Variants in ZNF335 observed in about 807,000 individuals in gnomAD.
ZNF335 encodes the protein NRC-interacting factor 1.
Under a neutral mutation model 145.6 loss-of-function variants are expected in ZNF335, and 84 were observed. That is an observed-to-expected ratio of 0.58 (90% CI 0.48 to 0.69). The LOEUF (loss-of-function observed/expected upper bound fraction) is 0.69, where lower values mean the gene tolerates loss of function less well. ZNF335 is among the 30% of genes least tolerant of loss of function. The pLI, the probability that ZNF335 is intolerant of heterozygous loss-of-function variation, is 0.00. For missense variants in ZNF335, 1,865 were observed against 1,809.7 expected (o/e 1.03, Z -0.55); for synonymous variants, 761 against 717.0 (o/e 1.06, Z -0.98).
At chr20:45,958,817 G>A (rs911014783) in intron 15 of ZNF335, among the ~76,000 whole-genome samples, 1 of 152,132 alleles carries the variant, frequency 6.6e-6, no homozygotes, top group African/African-American at 2.4e-5. Context: ...GAAGGCTGGT[G>A]CTCCTGCAGC....
intron 19 of ZNF335, 32 bp from the exon 20 acceptor site, chr20:45,952,553 G>A: frequency 1.9e-6 from 3 of 1,609,790 alleles, no homozygotes; most frequent in Non-Finnish European, 2.5e-6. Flanking sequence ...GAGGTACTGA[G>A]AAGGGGAGGG....
At chr20:45,971,654 G>A in intron 1 of ZNF335, 194 bp from the exon 2 acceptor site, 1 of 985,496 alleles carries the variant, frequency 1.0e-6, no homozygotes, top group Non-Finnish European at 1.2e-6. Context: ...CCCAGGCTAA[G>A]GCCCTTCCCG....
rs1204173939 is a variant in ZNF335 at position 45,960,430 on chromosome 20, G to A, written c.1859+19C>T. The A allele has an allele frequency of 2.5e-6, 4 of 1,614,192 alleles. No individual in the cohort carries two copies. The highest frequency in any genetic ancestry group is 2.2e-5 in the South Asian group (2 of 91,080). ...GCTGGGGACTGCTCCCGTCCCCAGGGGCCTCCAAGGGGATGTACCTGCGGT... is the reference window on the plus strand; with the variant it reads ...GCTGGGGACTGCTCCCGTCCCCAGGAGCCTCCAAGGGGATGTACCTGCGGT... On this transcript the variant is annotated intron_variant, in intron 13 of 27. Coordinates refer to ENST00000322927, the MANE Select transcript of ZNF335 (RefSeq NM_022095.4).
Position 45,971,476 on chromosome 20 carries a change from A to T in ZNF335, c.-50-16T>A. Reference sequence around the variant, plus strand: ...GAACTTCACTCTGAGAAGAGAGGTGACCGTGGCTGGAACAAGTGGGCCATC... The same window carrying T: ...GAACTTCACTCTGAGAAGAGAGGTGTCCGTGGCTGGAACAAGTGGGCCATC... On this transcript the variant is annotated splice_polypyrimidine_tract_variant and intron_variant, in intron 1 of 27. Transcript: ENST00000322927. 1 of 1,573,368 alleles carries T rather than the reference A, an allele frequency of 6.4e-7. No individual in the cohort carries two copies. Among genetic ancestry groups the T allele is most frequent in the East Asian group, 2.3e-5 (1 of 43,448 alleles).
chr20:45,958,835 GA>G (rs1444290330), intron 15 of ZNF335, among the ~76,000 whole-genome samples: 1 of 152,134 alleles, frequency 6.6e-6, no homozygotes, highest in Admixed American at 6.5e-5. Context: ...AGCTATACTG[GA>G]CCATGAGGCA....
intron 17 of ZNF335, among the ~76,000 whole-genome samples, chr20:45,957,373 T>C (rs2083747799): frequency 6.6e-6 from 1 of 152,230 alleles, no homozygotes; most frequent in Admixed American, 6.5e-5. Context: ...CCAGTGATTC[T>C]GGAGAATGGA....
At position 45,949,028 on chromosome 20, in the gene ZNF335, C is replaced by G; in HGVS notation, c.3954G>C (p.Glu1318Asp). The change falls in exon 28 of 28, where the codon GAG becomes GAC. Residue 1318 changes from glutamate to aspartate, a missense_variant. Physicochemically the swap from Glu to Asp is conservative, Grantham distance 45. Coordinates refer to ENST00000322927, the MANE Select transcript of ZNF335 (RefSeq NM_022095.4). ...GCTGTTGAATGTGTTCGGGCACTGT[C>G]TCGTCTGTACCAAACAGGCCCTGGG... ...AQAQGLFGTD[E>D]TVPEHIQQLQ... is the part of the protein sequence containing the mutation. 1 of 1,613,940 alleles carries G rather than the reference C, an allele frequency of 6.2e-7. No individual in the cohort carries two copies. Among genetic ancestry groups the G allele is most frequent in the Non-Finnish European group, 8.5e-7 (1 of 1,180,036 alleles).
chr20:45,961,273 C>T (rs1301214385), intron 10 of ZNF335, among the ~76,000 whole-genome samples: 1 of 152,058 alleles, frequency 6.6e-6, no homozygotes, highest in South Asian at 2.1e-4. Flanking sequence ...CACCTGTAGT[C>T]CCAGCTACTC....
In ZNF335 at chr20:45,949,576, TGGG is replaced by T. The variant is rs201440041; in HGVS notation, c.3670-11_3670-9del. On this transcript the variant is annotated splice_polypyrimidine_tract_variant and intron_variant, in intron 24 of 27. Transcript: ENST00000322927. The stretch of plus-strand genomic sequence containing the variant: ...GGAGATGATATACTGCACCTGTTGG[TGGG>T]GGGGGCGGGCATGGCGAGGCAGGTG... 4 of 1,556,536 alleles carry T rather than the reference TGGG, an allele frequency of 2.6e-6. No individual in the cohort carries two copies. Among genetic ancestry groups the T allele is most frequent in the Non-Finnish European group, 3.5e-6 (4 of 1,138,034 alleles).
In ZNF335 at chr20:45,953,721, C is replaced by G. The variant is rs541485153; in HGVS notation, c.2670G>C (p.Glu890Asp). The change falls in exon 18 of 28, where the codon GAG (glutamate) becomes GAC (aspartate). Residue 890 changes from glutamate (E) to aspartate (D), a missense_variant. By Grantham distance (45) the Glu-to-Asp change is conservative. Transcript: ENST00000322927. The stretch of plus-strand genomic sequence containing the variant: ...GTGTGCCAGGAGCTGATGTTCCCTC[C>G]TCCATAGGGGGTGCTGTGATGACAC... ...GYSVITAPPM[E>D]EGTSAPGTPY... is the part of the protein sequence containing the mutation. The G allele has an allele frequency of 6.2e-7, 1 of 1,614,110 alleles. No homozygotes were observed. Among genetic ancestry groups the G allele is most frequent in the African/African-American group, 1.3e-5 (1 of 75,046 alleles).
intron 20 of ZNF335, among the ~76,000 whole-genome samples, chr20:45,951,935 C>G (rs1403033294): frequency 1.3e-5 from 2 of 152,154 alleles, no homozygotes; most frequent in Non-Finnish European, 2.9e-5. Context: ...ACTCGGGACA[C>G]TGTGTCTGGC....
chr20:45,950,255 GGAT>G lies in ZNF335; in HGVS notation c.3448_3450del (p.Ile1150del). 6.4e-7 allele frequency: 1 copy of G among 1,551,366 alleles called. No homozygotes were observed. Among genetic ancestry groups the G allele is most frequent in the Non-Finnish European group, 8.7e-7 (1 of 1,148,532 alleles). On this transcript the variant is annotated inframe_deletion, in exon 22 of 28. Transcript: ENST00000322927. ...GCCAGTGTTTCGTCATCACTGTTCA[GGAT>G]GATGGTCTGGGTTGGGGTCTGGGTA...
rs746680227 is a variant in ZNF335 at position 45,967,735 on chromosome 20, T to C, written c.813A>G (p.Pro271=). The stretch of plus-strand genomic sequence containing the variant: ...GCAGGTAGGCTGCTACTGACGCACC[T>C]GGACGGAAGTGGCGTTCCCGCATGT... ...LRHMRERHFR[P]VAAAAAAAGK... Residue 271 remains proline (P), a splice_region_variant and synonymous_variant, in exon 5 of 28, where the codon CCA becomes CCG. Transcript: ENST00000322927. 1.8e-5 allele frequency: 29 copies of C among 1,609,700 alleles called. No individual in the cohort carries two copies. The highest frequency in any genetic ancestry group is 2.4e-5 in the Non-Finnish European group (28 of 1,177,616).
rs779169316 is a variant in ZNF335, at chr20:45,950,290, C to A, written c.3416G>T (p.Arg1139Leu). The change falls in exon 22 of 28, where the codon CGG becomes CTG. Residue 1139 changes from arginine to leucine, a missense_variant. Coordinates refer to ENST00000322927, the MANE Select transcript of ZNF335 (RefSeq NM_022095.4). The part of the protein sequence containing the change: ...DGRKSGTPTA[R>L]APTQTPTQTI... ...CTGGGTTGGGGTCTGGGTAGGGGCC[C>A]GGGCTGTAGGGGTTCCTGACTTCCT... 6.4e-7 allele frequency: 1 copy of A among 1,560,758 alleles called. No individual in the cohort carries two copies. Among genetic ancestry groups the A allele is most frequent in the South Asian group, 1.2e-5 (1 of 81,954 alleles).
chr20:45,949,824 C>G lies in ZNF335; in HGVS notation c.3645G>C (p.Gln1215His), dbSNP rs1420940452. The G allele has an allele frequency of 6.2e-7, 1 of 1,613,970 alleles. No homozygotes were observed. The highest frequency in any genetic ancestry group is 1.3e-5 in the African/African-American group (1 of 74,898). The change falls in exon 24 of 28, where the codon CAG (glutamine) becomes CAC (histidine). Residue 1215 changes from glutamine to histidine, a missense_variant. Gln to His is a conservative substitution (Grantham distance 24). Coordinates refer to ENST00000322927, the MANE Select transcript of ZNF335 (RefSeq NM_022095.4). The part of the protein sequence containing the change: ...EITTADGQTV[Q>H]HLVTSDNQVQ... The stretch of plus-strand genomic sequence containing the variant: ...CCTGGTTGTCGGAGGTCACCAGGTG[C>G]TGTACGGTCTGGCCATCTGCCGTGG...
Position 45,969,664 on chromosome 20 carries a change from C to T in ZNF335, c.229G>A (p.Ala77Thr), listed in dbSNP as rs770010402. 6.8e-6 allele frequency: 11 copies of T among 1,611,690 alleles called. No homozygotes were observed. Among genetic ancestry groups the T allele is most frequent in the Middle Eastern group, 1.6e-4 (1 of 6,076 alleles). ...AGGTAGCTATTAGGCAGGGGGTCTG[C>T]GCTCGAGCTGCTCTCAGATACCTCC... ...QEEVSESSSSADPLPNSYLPD... is the reference protein window; with the variant it reads ...QEEVSESSSSTDPLPNSYLPD... Residue 77 changes from alanine (A) to threonine (T), a missense_variant, in exon 3 of 28, where the codon GCA becomes ACA. Ala to Thr is a moderately conservative substitution (Grantham distance 58). Coordinates refer to ENST00000322927, the MANE Select transcript of ZNF335 (RefSeq NM_022095.4).
In ZNF335 at chr20:45,963,762, C is replaced by T. The variant is rs763025004; in HGVS notation, c.1331G>A (p.Arg444His). 9.9e-6 allele frequency: 16 copies of T among 1,614,026 alleles called. No individual in the cohort carries two copies. Among genetic ancestry groups the T allele is most frequent in the Non-Finnish European group, 1.2e-5 (14 of 1,180,014 alleles). ...LPRRRGRPSRRFLGKKYRKYY... is the reference protein window; with the variant it reads ...LPRRRGRPSRHFLGKKYRKYY... ...CTTGCGGTATTTCTTGCCTAGGAAG[C>T]GCCTGGAAGGTCGACCTCGGCGCCG... The change falls in exon 8 of 28, where the codon CGC becomes CAC. Residue 444 changes from arginine (R) to histidine (H), a missense_variant. By Grantham distance (29) the Arg-to-His change is conservative. Transcript: ENST00000322927.
intron 2 of ZNF335, among the ~76,000 whole-genome samples, chr20:45,970,762 T>G (rs73128561): frequency 0.042 from 6,292 of 151,092 alleles, 179 homozygotes; most frequent in African/African-American, 0.047. Context: ...TGCGTTTTTT[T>G]TTTTTTTTTT....
In ZNF335 at chr20:45,953,917, GCTTCCACAT is replaced by G; in HGVS notation, c.2465_2473del (p.Asp822_Glu824del). ...CTGCCCACCAGGGGATGCTAACCCTGCTTCCACATCTTCCGACTTCACCACAGCCACCTG... is the reference window on the plus strand; with the variant it reads ...CTGCCCACCAGGGGATGCTAACCCTGCTTCCGACTTCACCACAGCCACCTG... On this transcript the variant is annotated inframe_deletion, in exon 18 of 28. Coordinates refer to ENST00000322927, the MANE Select transcript of ZNF335 (RefSeq NM_022095.4). The G allele has an allele frequency of 6.2e-7, 1 of 1,608,650 alleles. No homozygotes were observed. The highest frequency in any genetic ancestry group is 8.5e-7 in the Non-Finnish European group (1 of 1,177,524).
Sources: gnomAD v4.1 joint callset for allele counts (sites outside exome capture counted in the v4.1 genomes callset) on GRCh38, gnomAD v4.1.1 for gene constraint, MANE v1.5 for transcripts, NCBI Gene and HGNC (gene_info 2026-07-23, HGNC 2026-07-21) for gene names.